LHPP: variants seen among roughly 807,000 people sequenced by gnomAD.
LHPP encodes phospholysine phosphohistidine inorganic pyrophosphate phosphatase, also known as hLHPP.
A neutral mutation model predicts 30.3 loss-of-function variants in LHPP; 24 were observed. That is an observed-to-expected ratio of 0.79 (90% confidence interval 0.57 to 1.11). The LOEUF (loss-of-function observed/expected upper bound fraction) is 1.11. Among genes scored for constraint, LHPP ranks in the 50% most tolerant of loss-of-function variants. The pLI is 0.00. For missense variants in LHPP, 356 were observed against 367.2 expected (o/e 0.97, Z 0.25); for synonymous variants, 150 against 157.1 (o/e 0.95, Z 0.34).
chr10:124,469,737 G>A (rs776108196), intron 1 of LHPP, among the ~76,000 whole-genome samples: 2 of 152,082 alleles, frequency 1.3e-5, no homozygotes, highest in Non-Finnish European at 2.9e-5. Context: ...CCTAGGCCCT[G>A]GGGATGTGCA....
intron 1 of LHPP, among the ~76,000 whole-genome samples, chr10:124,464,476 G>T (rs1952502327): frequency 6.6e-6 from 1 of 152,224 alleles, no homozygotes; most frequent in African/African-American, 2.4e-5. Flanking sequence ...GGAACAGGGA[G>T]ACTTGGCTTC....
At chr10:124,464,041 A>G (rs1952487433) in intron 1 of LHPP, among the ~76,000 whole-genome samples, 1 of 150,876 alleles carries the variant, frequency 6.6e-6, no homozygotes, top group East Asian at 1.9e-4. Context: ...CCGGTCTTGA[A>G]CTCCTGGGCT....
chr10:124,495,500 C>T (rs996575833), intron 3 of LHPP, among the ~76,000 whole-genome samples: 2 of 152,200 alleles, frequency 1.3e-5, no homozygotes, highest in Non-Finnish European at 2.9e-5. Context: ...CAGGGGTGAG[C>T]GGTTCATCTC....
At chr10:124,539,580 A>G (rs975446349) in intron 6 of LHPP, among the ~76,000 whole-genome samples, 53 of 152,158 alleles carry the variant, frequency 3.5e-4, no homozygotes, top group Non-Finnish European at 1.0e-4. Context: ...TACTAAAAAT[A>G]CAAAAATTAG....
Position 124,517,228 on chromosome 10 carries a change from CG to C in LHPP, c.675del (p.Cys226ValfsTer3). ...CGTGGGCGACGTCGGCGGTGCCCAG[CG>C]GTGTGGAATGAGAGCGCTGCAGGTG... Reference protein sequence around the residue: ...DIVGDVGGAQRCGMRALQVRT... With the variant: ...DIVGDVGGAQXCGMRALQVRT... On this transcript the variant is annotated frameshift_variant, in exon 6 of 7. Transcript: ENST00000368842. LOFTEE classifies it high-confidence loss of function. This position sits in a 1 kb window ranked among gnomAD's most constrained non-coding sequence, Gnocchi z 4.1. 2 of 1,605,510 alleles carry C rather than the reference CG, an allele frequency of 1.2e-6. No individual in the cohort carries two copies. The highest frequency in any genetic ancestry group is 3.3e-4 in the Middle Eastern group (2 of 6,040).
At chr10:124,606,739 G>A (rs1336686391) in intron 6 of LHPP, among the ~76,000 whole-genome samples, 2 of 152,218 alleles carry the variant, frequency 1.3e-5, no homozygotes, top group African/African-American at 4.8e-5. Context: ...GGGGCAGGGG[G>A]AGGAGCAGCG....
At chr10:124,501,328 A>G (rs7905098) in intron 5 of LHPP, among the ~76,000 whole-genome samples, 19,055 of 151,676 alleles carry the variant, frequency 0.13, 2,006 homozygotes, top group African/African-American at 0.27. Context: ...TGGGCCGGGC[A>G]CAGCAGCTCA....
intron 6 of LHPP, among the ~76,000 whole-genome samples, chr10:124,582,271 A>G (rs1948753105): frequency 6.6e-6 from 1 of 151,992 alleles, no homozygotes; most frequent in African/African-American, 2.4e-5. Context: ...TTTTATAGAG[A>G]TGGGATCTTG....
rs771933215 is a variant in LHPP at position 124,496,911 on chromosome 10, G to T, written c.468-50G>T. Reference sequence around the variant, plus strand: ...CAGCTCCCGATACTTAGCATCCTGCGGTCAGCTCCCCGTGCTCAGCATCCC... The same window carrying T: ...CAGCTCCCGATACTTAGCATCCTGCTGTCAGCTCCCCGTGCTCAGCATCCC... On this transcript the variant is annotated intron_variant, in intron 3 of 6. Coordinates refer to ENST00000368842, the MANE Select transcript of LHPP (RefSeq NM_022126.4). The surrounding 1 kb of genome is among the most constrained non-coding windows in gnomAD (Gnocchi z 4.3). The T allele has an allele frequency of 6.5e-7, 1 of 1,534,854 alleles. No homozygotes were observed. The highest frequency in any genetic ancestry group is 9.0e-7 in the Non-Finnish European group (1 of 1,114,926).
At chr10:124,597,824 A>G (rs954390571) in intron 6 of LHPP, among the ~76,000 whole-genome samples, 1 of 152,178 alleles carries the variant, frequency 6.6e-6, no homozygotes, top group African/African-American at 2.4e-5. Context: ...GGAGGGACGG[A>G]GTCAGCTCTT....
intron 6 of LHPP, among the ~76,000 whole-genome samples, chr10:124,578,482 C>T (rs1406305345): frequency 3.9e-5 from 6 of 152,224 alleles, no homozygotes; most frequent in African/African-American, 1.4e-4. Context: ...TGAGGTGGAG[C>T]GTCTGCTGTG....
At chr10:124,473,208 G>GC (rs1454891142) in intron 1 of LHPP, among the ~76,000 whole-genome samples, 1 of 152,140 alleles carries the variant, frequency 6.6e-6, no homozygotes, top group Non-Finnish European at 1.5e-5. Flanking sequence ...ATGGAGTCCT[G>GC]CCCCTACCCC....
intron 4 of LHPP, among the ~76,000 whole-genome samples, chr10:124,497,490 A>G (rs1953760650): frequency 6.6e-6 from 1 of 150,492 alleles, no homozygotes; most frequent in Non-Finnish European, 1.5e-5. Flanking sequence ...TCAGTTTCCA[A>G]GGCCATCTGT....
chr10:124,585,093 G>A (rs1201308196), intron 6 of LHPP, among the ~76,000 whole-genome samples: 1 of 152,096 alleles, frequency 6.6e-6, no homozygotes, highest in East Asian at 1.9e-4. Context: ...AATATATATA[G>A]AGAGAAATTT....
chr10:124,512,293 G>A (rs11245247), intron 5 of LHPP, among the ~76,000 whole-genome samples: 7,399 of 152,202 alleles, frequency 0.049, 396 homozygotes, highest in African/African-American at 0.13. Flanking sequence ...TTTCCTCAAC[G>A]AAACATTTCC....
rs972921948 is a variant in LHPP at position 124,478,318 on chromosome 10, G to T, written c.126-5821G>T. Among the ~76,000 whole-genome samples, 1 of 152,202 alleles carries T rather than the reference G, an allele frequency of 6.6e-6. No homozygotes were observed. Among genetic ancestry groups the T allele is most frequent in the African/African-American group, 2.4e-5 (1 of 41,464 alleles). ...GGGGAGCATGAAAGCAAAGACTCAGGGTGCTATGAGGGCCTCTGGGTCACA... is the reference window on the plus strand; with the variant it reads ...GGGGAGCATGAAAGCAAAGACTCAGTGTGCTATGAGGGCCTCTGGGTCACA... On this transcript the variant is annotated intron_variant, in intron 1 of 6. Coordinates refer to ENST00000368842, the MANE Select transcript of LHPP (RefSeq NM_022126.4). The surrounding 1 kb of genome is among the most constrained non-coding windows in gnomAD (Gnocchi z 4.7).
intron 6 of LHPP, among the ~76,000 whole-genome samples, chr10:124,600,425 G>A (rs1169893914): frequency 6.6e-6 from 1 of 152,272 alleles, no homozygotes; most frequent in African/African-American, 2.4e-5. Flanking sequence ...CAGAAACAGG[G>A]CTGGCTCGAT....
At chr10:124,554,042 AG>A in intron 6 of LHPP, 1 of 985,454 alleles carries the variant, frequency 1.0e-6, no homozygotes, top group Non-Finnish European at 1.2e-6. Context: ...AGATAGAAGA[AG>A]GCCTCGAGCC....
At chr10:124,539,975 A>C (rs1457724475) in intron 6 of LHPP, among the ~76,000 whole-genome samples, 1 of 152,174 alleles carries the variant, frequency 6.6e-6, no homozygotes, top group Non-Finnish European at 1.5e-5. Context: ...TATCCTGCCA[A>C]AAGCACTCAC....
Sources: allele counts gnomAD v4.1 joint callset (sites outside exome capture counted in the v4.1 genomes callset), GRCh38; gene constraint gnomAD v4.1.1; non-coding constraint Gnocchi (gnomAD v3.1); transcripts MANE v1.5; gene names NCBI Gene and HGNC (gene_info 2026-07-23, HGNC 2026-07-21).